The following SGCZ variants were observed in gnomAD, a reference collection of about 807,000 sequenced individuals.
SGCZ encodes the protein zeta-sarcoglycan.
Under a neutral mutation model 41.3 loss-of-function variants are expected in SGCZ, and 40 were observed. That is an observed-to-expected ratio of 0.97 (90% confidence interval 0.75 to 1.26). The LOEUF (loss-of-function observed/expected upper bound fraction) is 1.26. Ranked by LOEUF, SGCZ falls within the 50% of genes most tolerant of loss-of-function variation. The pLI, the probability that SGCZ is intolerant of heterozygous loss-of-function variation, is 0.00. For synonymous variants in SGCZ, 206 were observed against 137.5 expected (o/e 1.50, Z -3.49); for missense variants, 552 against 369.8 (o/e 1.49, Z -4.04).
intron 1 of SGCZ, among the ~76,000 whole-genome samples, chr8:14,639,371 G>A (rs1442080158): frequency 2.0e-5 from 3 of 151,466 alleles, no homozygotes; most frequent in Non-Finnish European, 4.4e-5. Context: ...TTAGTAATGA[G>A]CTCATAATGT....
intron 4 of SGCZ, among the ~76,000 whole-genome samples, chr8:14,229,314 A>T (rs1162444389): frequency 6.6e-6 from 1 of 152,082 alleles, no homozygotes; most frequent in East Asian, 1.9e-4. Context: ...TCAAAACATG[A>T]TCACTAGTGT....
In SGCZ at chr8:14,540,387, C is replaced by A. The variant is rs962570558; in HGVS notation, c.234+14345G>T. ...ATGGCTGAATATTACCTTTCTAATA[C>A]AAACTTTCACCTGCCTTTGAGTTTT... On this transcript the variant is annotated intron_variant, in intron 2 of 7. Coordinates refer to ENST00000382080, the MANE Select transcript of SGCZ (RefSeq NM_139167.4). Among the ~76,000 whole-genome samples, 46 of 151,100 alleles carry A rather than the reference C, an allele frequency of 3.0e-4. 1 individual carries two copies. Among genetic ancestry groups the A allele is most frequent in the African/African-American group, 1.1e-3 (45 of 41,320 alleles).
intron 1 of SGCZ, among the ~76,000 whole-genome samples, chr8:15,029,689 G>A (rs1200711501): frequency 6.6e-6 from 1 of 151,968 alleles, no homozygotes; most frequent in Non-Finnish European, 1.5e-5. Context: ...TGTAGAATAA[G>A]AAAAAATGCT....
rs7015348 is a variant in SGCZ at position 15,192,411 on chromosome 8, G to A, written c.39+45174C>T. 1.4e-3 allele frequency among the ~76,000 whole-genome samples: 217 copies of A among 152,106 alleles called. 1 individual carries two copies. Among genetic ancestry groups the A allele is most frequent in the African/African-American group, 4.1e-3 (170 of 41,488 alleles). On this transcript the variant is annotated intron_variant, in intron 1 of 7. Transcript: ENST00000382080. ...ATGCTGAAATATAACAGTTTGTTTC[G>A]TTTTAGTACATCAAAGATGCTACAA...
At chr8:14,621,524 A>G (rs1806285073) in intron 1 of SGCZ, among the ~76,000 whole-genome samples, 1 of 152,118 alleles carries the variant, frequency 6.6e-6, no homozygotes, top group Non-Finnish European at 1.5e-5. Flanking sequence ...AAAACAAAAA[A>G]AGAAAATAGG....
chr8:15,155,929 A>G (rs268418), intron 1 of SGCZ, among the ~76,000 whole-genome samples: 126,721 of 151,744 alleles, frequency 0.84, 53,404 homozygotes, highest in South Asian at 0.91. Context: ...GTAGTGGCGC[A>G]CACCTGTAGT....
Position 14,553,412 on chromosome 8 carries a change from T to C in SGCZ, c.234+1320A>G, listed in dbSNP as rs554935279. Among the ~76,000 whole-genome samples the C allele has an allele frequency of 3.3e-3, 504 of 152,240 alleles. 5 individuals are homozygous for C. Among genetic ancestry groups the C allele is most frequent in the African/African-American group, 0.011 (474 of 41,560 alleles). On this transcript the variant is annotated intron_variant, in intron 2 of 7. Coordinates refer to ENST00000382080, the MANE Select transcript of SGCZ (RefSeq NM_139167.4). ...ACGCATATCCATGTCTAGGCAACAG[T>C]TATTATTTTCTAACTCTGTGAAAAT...
chr8:14,457,772 G>C (rs927007792), intron 2 of SGCZ, among the ~76,000 whole-genome samples: 1 of 152,190 alleles, frequency 6.6e-6, no homozygotes. Flanking sequence ...CGTGACCCAC[G>C]TGACCTTACC....
intron 4 of SGCZ, among the ~76,000 whole-genome samples, chr8:14,235,971 C>T (rs576202623): frequency 1.2e-4 from 18 of 152,288 alleles, no homozygotes; most frequent in East Asian, 1.9e-4. Flanking sequence ...GCATGAGCTC[C>T]CGTGCCTGAC....
intron 4 of SGCZ, among the ~76,000 whole-genome samples, chr8:14,201,150 C>T (rs1044652381): frequency 3.3e-5 from 5 of 152,136 alleles, no homozygotes; most frequent in East Asian, 1.9e-4. Flanking sequence ...TAGAATGAAG[C>T]GAAATGCTCA....
chr8:14,459,203 T>C (rs1340608962), intron 2 of SGCZ, among the ~76,000 whole-genome samples: 2 of 151,074 alleles, frequency 1.3e-5, no homozygotes, highest in East Asian at 2.0e-4. Flanking sequence ...CACTCATAGG[T>C]GGGAATTGAA....
rs1388632427 is a variant in SGCZ, at chr8:15,174,911, ATTCAACT to A, written c.39+62667_39+62673del. Reference sequence around the variant, plus strand: ...ACACTGTTGGGAGGAGTGTAAATTAATTCAACTGTCATGGAAAACAGTGTGGCGATTC... The same window carrying A: ...ACACTGTTGGGAGGAGTGTAAATTAAGTCATGGAAAACAGTGTGGCGATTC... On this transcript the variant is annotated intron_variant, in intron 1 of 7. Transcript: ENST00000382080. Among the ~76,000 whole-genome samples the A allele has an allele frequency of 6.6e-3, 1,004 of 152,278 alleles. 12 individuals carry two copies. The highest frequency in any genetic ancestry group is 0.023 in the African/African-American group (965 of 41,544).
chr8:14,314,925 T>A (rs1474658089), intron 3 of SGCZ, among the ~76,000 whole-genome samples: 3 of 152,168 alleles, frequency 2.0e-5, no homozygotes, highest in African/African-American at 7.2e-5. Flanking sequence ...TATTTGCAAA[T>A]GTTTGCAAAA....
chr8:14,362,335 G>A (rs1563280383), intron 2 of SGCZ, among the ~76,000 whole-genome samples: 1 of 152,216 alleles, frequency 6.6e-6, no homozygotes, highest in Non-Finnish European at 1.5e-5. Context: ...GCTCTGCCCA[G>A]TTCGAGCTTT....
chr8:14,380,150 C>T (rs1157321201), intron 2 of SGCZ, among the ~76,000 whole-genome samples: 2 of 152,006 alleles, frequency 1.3e-5, no homozygotes, highest in Non-Finnish European at 2.9e-5. Context: ...GAGAATTTTC[C>T]CCAATTGATA....
rs1180383971 is a variant in SGCZ, at chr8:14,231,912, A to G, written c.424+5680T>C. 4.6e-5 allele frequency among the ~76,000 whole-genome samples: 7 copies of G among 152,110 alleles called. No homozygotes were observed. In the East Asian group the frequency reaches 1.2e-3, roughly 25 times the overall value. The stretch of plus-strand genomic sequence containing the variant: ...CATCACTGTAGTTTAATTACTCTGT[A>G]AGATAGAGATGCCTTCTTATGAGTA... On this transcript the variant is annotated intron_variant, in intron 4 of 7. Transcript: ENST00000382080.
intron 2 of SGCZ, among the ~76,000 whole-genome samples, chr8:14,476,709 G>C (rs1307570260): frequency 1.3e-5 from 2 of 152,096 alleles, no homozygotes; most frequent in East Asian, 1.9e-4. Context: ...CAACAACTTG[G>C]TGAGATAGCT....
chr8:14,973,551 T>C (rs188294176), intron 1 of SGCZ, among the ~76,000 whole-genome samples: 79 of 152,278 alleles, frequency 5.2e-4, no homozygotes, highest in African/African-American at 1.7e-3. Flanking sequence ...TGAATATGCA[T>C]TCTTCTCTGA....
chr8:14,772,281 T>A (rs1023802134), intron 1 of SGCZ, among the ~76,000 whole-genome samples: 17 of 152,280 alleles, frequency 1.1e-4, no homozygotes, highest in Non-Finnish European at 1.8e-4. Context: ...TTTCAACTCA[T>A]AATGGGTTTA....
Sources: gnomAD v4.1 joint callset for allele counts (sites outside exome capture counted in the v4.1 genomes callset) on GRCh38, gnomAD v4.1.1 for gene constraint, MANE v1.5 for transcripts, NCBI Gene and HGNC (gene_info 2026-07-23, HGNC 2026-07-21) for gene names.